Variants in ADGRF1 observed in about 807,000 individuals in gnomAD.
ADGRF1 encodes G protein-coupled receptor 110.
A neutral mutation model predicts 87.2 loss-of-function variants in ADGRF1; 85 were observed. The ratio of observed to expected loss-of-function variants is 0.97; its 90% CI spans 0.82 to 1.17. ADGRF1 has a LOEUF of 1.17. Ranked by LOEUF, ADGRF1 falls within the 50% of genes most tolerant of loss-of-function variation. The pLI is 0.00. For missense variants in ADGRF1, 1,169 were observed against 1,077.2 expected (o/e 1.09, Z -1.19); for synonymous variants, 430 against 408.8 (o/e 1.05, Z -0.63).
At chr6:47,041,306 T>C (rs1161909150) in intron 1 of ADGRF1, among the ~76,000 whole-genome samples, 2 of 152,244 alleles carry the variant, frequency 1.3e-5, no homozygotes, top group Non-Finnish European at 2.9e-5. Context: ...AATGTACTTT[T>C]ATTTATTTTT....
intron 4 of ADGRF1, among the ~76,000 whole-genome samples, 154 bp downstream of exon 4, chr6:47,025,700 C>T (rs1434617799): frequency 6.6e-6 from 1 of 152,162 alleles, no homozygotes; most frequent in Admixed American, 6.5e-5. Flanking sequence ...TGCCAATCTG[C>T]AATGGACATG....
At position 47,007,309 on chromosome 6, in the gene ADGRF1, G is replaced by T. The variant is rs1425179613; in HGVS notation, c.2491-15C>A. On this transcript the variant is annotated splice_polypyrimidine_tract_variant and intron_variant, in intron 11 of 14. Transcript: ENST00000371253. The stretch of plus-strand genomic sequence containing the variant: ...ATAAAAAATCCCTTTAAAAAGAAAG[G>T]AATAAATCACATGTATTGTATTTTT... The T allele has an allele frequency of 5.6e-6, 8 of 1,438,996 alleles. No homozygotes were observed. Among genetic ancestry groups the T allele is most frequent in the African/African-American group, 1.4e-5 (1 of 71,146 alleles). 89.1% of individuals were successfully genotyped at this position (1,438,996 alleles called of 1,614,324 possible). A position where few individuals can be genotyped will look rare whatever the true frequency, so the allele number is the denominator to read the frequency against.
At chr6:47,001,328 C>T (rs1040608689) in intron 14 of ADGRF1, among the ~76,000 whole-genome samples, 173 bp downstream of exon 14, 3 of 152,254 alleles carry the variant, frequency 2.0e-5, no homozygotes, top group African/African-American at 7.2e-5. Flanking sequence ...AAGTCACCTA[C>T]ATTGTTCTGT....
intron 9 of ADGRF1, chr6:47,014,097 G>C (rs1401993006): frequency 5.1e-6 from 1 of 194,790 alleles, no homozygotes; most frequent in African/African-American, 2.4e-5. Flanking sequence ...CACTGGACTA[G>C]GAATCAAGTG....
chr6:47,023,486 T>C lies in ADGRF1; in HGVS notation c.451+558A>G, dbSNP rs552155186. Reference sequence around the variant, plus strand: ...TCCATGTCATTTGGCTCATCTCACCTTTCATTGAACATAAATCTAAGTTAA... The same window carrying C: ...TCCATGTCATTTGGCTCATCTCACCCTTCATTGAACATAAATCTAAGTTAA... On this transcript the variant is annotated intron_variant, in intron 5 of 14. Transcript: ENST00000371253. 6.6e-5 allele frequency among the ~76,000 whole-genome samples: 10 copies of C among 152,344 alleles called. No individual in the cohort carries two copies. In the South Asian group the frequency reaches 2.1e-3, roughly 32 times the overall value.
Position 47,010,279 on chromosome 6 carries a change from A to T in ADGRF1, c.1156T>A (p.Ser386Thr). Reference sequence around the variant, plus strand: ...AGTAAGACTGTCCAGTTGGTTACTGAGGCTGAATTAAGGATATTGTCAGCT... The same window carrying T: ...AGTAAGACTGTCCAGTTGGTTACTGTGGCTGAATTAAGGATATTGTCAGCT... ...SIADNILNSA[S>T]VTNWTVLLRE... Residue 386 changes from serine (S) to threonine (T), a missense_variant, in exon 11 of 15, where the codon TCA becomes ACA. Physicochemically the swap from Ser to Thr is moderately conservative, Grantham distance 58 (BLOSUM62 1). Coordinates refer to ENST00000371253, the MANE Select transcript of ADGRF1 (RefSeq NM_153840.4). 1 of 1,613,140 alleles carries T rather than the reference A, an allele frequency of 6.2e-7. No individual in the cohort carries two copies. The highest frequency in any genetic ancestry group is 8.5e-7 in the Non-Finnish European group (1 of 1,179,584).
intron 1 of ADGRF1, among the ~76,000 whole-genome samples, chr6:47,033,480 T>A (rs986279239): frequency 6.6e-6 from 1 of 152,262 alleles, no homozygotes; most frequent in Non-Finnish European, 1.5e-5. Flanking sequence ...AATCTAATCT[T>A]AGGCACAGTT....
rs1395860186 is a variant in ADGRF1, at chr6:47,000,013, T to C, written c.*209A>G. 2 of 481,732 alleles carry C rather than the reference T, an allele frequency of 4.2e-6. No individual in the cohort carries two copies. Among genetic ancestry groups the C allele is most frequent in the Admixed American group, 6.9e-5 (2 of 28,916 alleles). 29.8% of individuals were successfully genotyped at this position (481,732 alleles called of 1,614,324 possible). A position where few individuals can be genotyped will look rare whatever the true frequency, so the allele number is the denominator to read the frequency against. ...TTCTGCATTTATGGAGCACTTTCTT[T>C]GAATCAAATCACATGGAAATAAATC... is the stretch of plus-strand genomic sequence containing the variant. On this transcript the variant is annotated 3_prime_UTR_variant, in exon 15 of 15. Transcript: ENST00000371253.
At chr6:47,025,136 C>T (rs541212491) in intron 4 of ADGRF1, among the ~76,000 whole-genome samples, 5 of 152,112 alleles carry the variant, frequency 3.3e-5, no homozygotes, top group South Asian at 2.1e-4. Flanking sequence ...AAATTCCCAC[C>T]GAAGTCGTCT....
chr6:47,024,403 C>T lies in ADGRF1; in HGVS notation c.278-186G>A. The stretch of plus-strand genomic sequence containing the variant: ...GATCTCAGCTCACTGCAACCTCTGC[C>T]TCCTGGGTTCAGGTGAATCTTGTGC... On this transcript the variant is annotated intron_variant, in intron 4 of 14. Transcript: ENST00000371253. 8.0e-6 allele frequency: 4 copies of T among 502,600 alleles called. No homozygotes were observed. The South Asian group carries it at 1.1e-4, about 14-fold the overall frequency. The allele number at this position is 502,600 out of a possible 1,614,324, so 31.1% of individuals were successfully genotyped here.
chr6:47,026,909 G>T (rs1284135699), intron 3 of ADGRF1, among the ~76,000 whole-genome samples: 1 of 152,170 alleles, frequency 6.6e-6, no homozygotes, highest in East Asian at 1.9e-4. Context: ...CAGGGAAAAG[G>T]ATGGCCCTGC....
chr6:47,004,209 C>T (rs922634568), intron 13 of ADGRF1, among the ~76,000 whole-genome samples: 8 of 152,210 alleles, frequency 5.3e-5, no homozygotes, highest in African/African-American at 1.7e-4. Context: ...CAGGAATATT[C>T]ATCAAGTGTG....
chr6:47,030,728 G>A (rs1198702008), intron 1 of ADGRF1, among the ~76,000 whole-genome samples: 1 of 151,734 alleles, frequency 6.6e-6, no homozygotes, highest in Non-Finnish European at 1.5e-5. Flanking sequence ...TTGCAGAGTG[G>A]GGGTTGTGCC....
rs1249658741 is a variant in ADGRF1 at position 47,009,679 on chromosome 6, T to C, written c.1756A>G (p.Lys586Glu). 2 of 1,614,170 alleles carry C rather than the reference T, an allele frequency of 1.2e-6. No homozygotes were observed. The highest frequency in any genetic ancestry group is 1.7e-6 in the Non-Finnish European group (2 of 1,180,040). The change falls in exon 11 of 15, where the codon AAA (lysine) becomes GAA (glutamate). Residue 586 changes from lysine to glutamate, a missense_variant. Physicochemically the swap from Lys to Glu is moderately conservative, Grantham distance 56. Transcript: ENST00000371253. Reference sequence around the variant, plus strand: ...CCCAGTCCCACATAGGTGATCCATTTTACAACGGGGAAGATTGTAGAGGGG... The same window carrying C: ...CCCAGTCCCACATAGGTGATCCATTCTACAACGGGGAAGATTGTAGAGGGG... ...FVPSTIFPVVKWITYVGLGIS... is the reference protein window; with the variant it reads ...FVPSTIFPVVEWITYVGLGIS...
chr6:47,029,125 G>T, intron 1 of ADGRF1, 21 bp from the exon 2 acceptor site: 1 of 1,339,836 alleles, frequency 7.5e-7, no homozygotes, highest in African/African-American at 1.4e-5. Context: ...AGGGTACCAG[G>T]TAAGGTAGAG....
intron 1 of ADGRF1, among the ~76,000 whole-genome samples, chr6:47,031,408 C>A (rs1458159875): frequency 6.9e-6 from 1 of 145,244 alleles, no homozygotes; most frequent in Non-Finnish European, 1.5e-5. Context: ...CTTCCTCATA[C>A]ATGTACTCCA....
intron 9 of ADGRF1, chr6:47,014,187 A>G (rs1779791982): frequency 2.2e-6 from 2 of 903,156 alleles, no homozygotes; most frequent in South Asian, 1.0e-4. Flanking sequence ...CTGCAAAATG[A>G]GGTTGGTAAA....
Position 47,010,647 on chromosome 6 carries a change from T to G in ADGRF1, c.1117-329A>C, listed in dbSNP as rs559128727. Among the ~76,000 whole-genome samples, 28 of 152,266 alleles carry G rather than the reference T, an allele frequency of 1.8e-4. 1 individual carries two copies. In the South Asian group the frequency reaches 5.8e-3, roughly 32 times the overall value. The stretch of plus-strand genomic sequence containing the variant: ...GTGCATTTCCTCCTCTCCGAGATGT[T>G]AAAAATGACTACACTGCTATTCAGG... On this transcript the variant is annotated intron_variant, in intron 10 of 14. Transcript: ENST00000371253.
At chr6:47,040,141 A>T (rs1054985397) in intron 1 of ADGRF1, among the ~76,000 whole-genome samples, 15 of 151,898 alleles carry the variant, frequency 9.9e-5, no homozygotes, top group Admixed American at 9.8e-4. Flanking sequence ...TCTACAAGCT[A>T]TGGGTGTTCC....
Sources: allele counts gnomAD v4.1 joint callset (sites outside exome capture counted in the v4.1 genomes callset), GRCh38; gene constraint gnomAD v4.1.1; transcripts MANE v1.5; gene names NCBI Gene and HGNC (gene_info 2026-07-23, HGNC 2026-07-21).